CCSER1: variants seen among roughly 807,000 people sequenced by gnomAD.
CCSER1 encodes the protein coiled-coil serine rich protein 1, also known as serine-rich coiled-coil domain-containing protein 1.
Under a neutral mutation model 82.0 loss-of-function variants are expected in CCSER1, and 41 were observed. That is an observed-to-expected ratio of 0.50 (90% CI 0.39 to 0.65). The LOEUF (loss-of-function observed/expected upper bound fraction) is 0.65. Among genes scored for constraint, CCSER1 ranks in the 30% least tolerant of loss-of-function variants. The probability of loss-of-function intolerance (pLI) is 0.00; values close to 1 mark genes in which losing one functional copy is unlikely to be tolerated. For missense variants in CCSER1, 1,119 were observed against 1,064.2 expected (o/e 1.05, Z -0.72); for synonymous variants, 414 against 383.9 (o/e 1.08, Z -0.92).
chr4:90,627,878 A>T (rs1326243026), intron 5 of CCSER1, 147 bp from the exon 6 acceptor site: 3 of 656,094 alleles, frequency 4.6e-6, no homozygotes, highest in African/African-American at 3.7e-5. Flanking sequence ...TCCATCTCAA[A>T]AAATAAATAA....
chr4:90,762,567 C>T (rs570069752), intron 7 of CCSER1, among the ~76,000 whole-genome samples: 17 of 152,206 alleles, frequency 1.1e-4, no homozygotes, highest in Admixed American at 5.2e-4. Context: ...TTCTCTACAG[C>T]GTAGCCATAG....
chr4:90,818,877 GA>G (rs1197221083), intron 8 of CCSER1, among the ~76,000 whole-genome samples: 1 of 151,918 alleles, frequency 6.6e-6, no homozygotes, highest in Non-Finnish European at 1.5e-5. Flanking sequence ...AGATACCCAG[GA>G]AAAAAACAAA....
intron 3 of CCSER1, among the ~76,000 whole-genome samples, chr4:90,357,251 T>G (rs1422119034): frequency 6.6e-6 from 1 of 151,956 alleles, no homozygotes; most frequent in Non-Finnish European, 1.5e-5. Flanking sequence ...ATAGCAGGTA[T>G]AGGCCACTTA....
At position 91,565,026 on chromosome 4, in the gene CCSER1, TTGTGTGTGTGTGTGTGTGTGTG is replaced by T. The variant is rs56723869; in HGVS notation, c.2218-33513_2218-33492del. On this transcript the variant is annotated intron_variant, in intron 10 of 10. Transcript: ENST00000509176. Reference sequence around the variant, plus strand: ...ATTTAAGTCTTTAATGCACCTTGAGTTGTGTGTGTGTGTGTGTGTGTGTGTGTGTGTGTGTGTGTGTGTGTGT... The same window carrying T: ...ATTTAAGTCTTTAATGCACCTTGAGTTGTGTGTGTGTGTGTGTGTGTGTGT... Among the ~76,000 whole-genome samples the T allele has an allele frequency of 3.0e-3, 394 of 131,126 alleles. 7 individuals are homozygous for T. Among genetic ancestry groups the T allele is most frequent in the African/African-American group, 9.6e-4 (34 of 35,544 alleles). The allele number at this position is 131,126 out of a possible 152,430, so 86.0% of individuals were successfully genotyped here.
At chr4:91,595,170 A>C (rs1273469808) in intron 10 of CCSER1, among the ~76,000 whole-genome samples, 1 of 152,130 alleles carries the variant, frequency 6.6e-6, no homozygotes, top group Non-Finnish European at 1.5e-5. Flanking sequence ...CCTGAATTGG[A>C]GACCACTATT....
At chr4:91,539,682 T>C (rs1411282492) in intron 10 of CCSER1, among the ~76,000 whole-genome samples, 1 of 152,126 alleles carries the variant, frequency 6.6e-6, no homozygotes, top group African/African-American at 2.4e-5. Context: ...GTTGCCTTCT[T>C]TCTCAGAAAG....
intron 1 of CCSER1, among the ~76,000 whole-genome samples, chr4:90,282,206 A>C (rs1728985919): frequency 6.6e-6 from 1 of 151,912 alleles, no homozygotes; most frequent in African/African-American, 2.4e-5. Flanking sequence ...TTAGTTGTTG[A>C]TATTTTGTTA....
chr4:90,340,319 T>G (rs1053414457), intron 3 of CCSER1, among the ~76,000 whole-genome samples: 2 of 152,144 alleles, frequency 1.3e-5, no homozygotes, highest in Non-Finnish European at 2.9e-5. Flanking sequence ...TGATTTACAT[T>G]TACCCTCAAA....
intron 9 of CCSER1, among the ~76,000 whole-genome samples, chr4:90,996,612 C>A (rs13148851): frequency 0.095 from 14,445 of 152,052 alleles, 822 homozygotes; most frequent in East Asian, 0.2. Flanking sequence ...CAATAGAATT[C>A]CTTTTAATCA....
chr4:91,243,367 G>A (rs1327595041), intron 10 of CCSER1, among the ~76,000 whole-genome samples: 3 of 152,172 alleles, frequency 2.0e-5, no homozygotes, highest in South Asian at 2.1e-4. Flanking sequence ...GCAACTTGTA[G>A]TGCTAGTCTG....
At chr4:90,982,301 C>T (rs1399779307) in intron 9 of CCSER1, among the ~76,000 whole-genome samples, 1 of 151,580 alleles carries the variant, frequency 6.6e-6, no homozygotes, top group Admixed American at 6.6e-5. Context: ...GTAATTTCAT[C>T]ACGGAGGCTC....
At chr4:91,537,668 A>T (rs1005805917) in intron 10 of CCSER1, among the ~76,000 whole-genome samples, 2 of 152,012 alleles carry the variant, frequency 1.3e-5, no homozygotes, top group Non-Finnish European at 2.9e-5. Context: ...TTATTTTTTG[A>T]GTACTTAGTA....
At chr4:90,943,773 A>C (rs1432102042) in intron 9 of CCSER1, among the ~76,000 whole-genome samples, 1 of 103,654 alleles carries the variant, frequency 9.6e-6, no homozygotes, top group African/African-American at 3.7e-5. Context: ...ATGGGGTCTC[A>C]CTATGTTGCC....
At chr4:90,936,933 A>G (rs1416460861) in intron 9 of CCSER1, among the ~76,000 whole-genome samples, 1 of 152,038 alleles carries the variant, frequency 6.6e-6, no homozygotes, top group Non-Finnish European at 1.5e-5. Flanking sequence ...TATTACCTCT[A>G]TTCATTTATA....
intron 9 of CCSER1, among the ~76,000 whole-genome samples, chr4:91,009,072 C>T (rs1162301046): frequency 1.3e-5 from 2 of 152,266 alleles, no homozygotes; most frequent in South Asian, 4.1e-4. Context: ...GCACAGTGGA[C>T]ACCCTGGGAC....
intron 1 of CCSER1, among the ~76,000 whole-genome samples, chr4:90,276,337 CTTCTTTCTTTCTT>C (rs747918058): frequency 0.018 from 1,941 of 107,430 alleles, 120 homozygotes; most frequent in African/African-American, 0.056. Flanking sequence ...TTCTTTCTTT[CTTCTTTCTTTCTT>C]TTTTTTTTTT....
chr4:91,042,976 A>G (rs1017863411), intron 9 of CCSER1, among the ~76,000 whole-genome samples: 3 of 152,202 alleles, frequency 2.0e-5, no homozygotes, highest in African/African-American at 7.2e-5. Flanking sequence ...GCCTACATTC[A>G]GCCACCCCCA....
At chr4:90,866,575 A>G (rs912438926) in intron 8 of CCSER1, among the ~76,000 whole-genome samples, 1 of 152,112 alleles carries the variant, frequency 6.6e-6, no homozygotes, top group Admixed American at 6.6e-5. Flanking sequence ...ATTTTAGGCT[A>G]TAAGTTGAAT....
intron 8 of CCSER1, among the ~76,000 whole-genome samples, chr4:90,905,197 A>T (rs1169457246): frequency 6.6e-6 from 1 of 152,002 alleles, no homozygotes; most frequent in Non-Finnish European, 1.5e-5. Context: ...CCTACCTCTA[A>T]TTTCTTCTGC....
Sources: allele counts gnomAD v4.1 joint callset (sites outside exome capture counted in the v4.1 genomes callset), GRCh38; gene constraint gnomAD v4.1.1; transcripts MANE v1.5; gene names NCBI Gene and HGNC (gene_info 2026-07-23, HGNC 2026-07-21).